The following NPR1 variants were observed in gnomAD, a reference collection of about 807,000 sequenced individuals.
NPR1 encodes atrial natriuretic peptide receptor 1.
In NPR1, 57 loss-of-function variants were observed where a neutral mutation model predicts 116.9. That is an observed-to-expected ratio of 0.49 (90% confidence interval 0.39 to 0.61). NPR1 has a LOEUF of 0.61. NPR1 is among the 20% of genes least tolerant of loss of function. The pLI is 0.00. For synonymous variants in NPR1, 555 were observed against 601.6 expected (o/e 0.92, Z 1.13); for missense variants, 1,096 against 1,409.8 (o/e 0.78, Z 3.56).
At chr1:153,684,310 G>A (rs537549105) in intron 7 of NPR1, among the ~76,000 whole-genome samples, 1 of 152,016 alleles carries the variant, frequency 6.6e-6, no homozygotes, top group Non-Finnish European at 1.5e-5. Context: ...AAAGCAAGGA[G>A]GGAGGGGAGA....
At position 153,687,768 on chromosome 1, in the gene NPR1, G is replaced by T. The variant is rs1468911234; in HGVS notation, c.2227G>T (p.Gly743Cys). Residue 743 changes from glycine to cysteine, a missense_variant, in exon 14 of 22, where the codon GGT becomes TGT. Transcript: ENST00000368680. ...GAGGAGTGGGGTCTTCCACGTGGAA[G>T]GTTTGGACCTGAGCCCCAAAGGTGA... ...ALRSGVFHVE[G>C]LDLSPKEIIE... 1 of 1,593,566 alleles carries T rather than the reference G, an allele frequency of 6.3e-7. No individual in the cohort carries two copies. The highest frequency in any genetic ancestry group is 1.1e-5 in the South Asian group (1 of 90,056).
rs752156295 is a variant in NPR1, at chr1:153,682,479, T to C, written c.1172-19T>C. The stretch of plus-strand genomic sequence containing the variant: ...ACTTCTATTCTCTCAAACATAGTCA[T>C]CTTCCCCCATGTCCTCAGGTGTGAC... On this transcript the variant is annotated intron_variant, in intron 4 of 21. Transcript: ENST00000368680. The C allele has an allele frequency of 1.3e-6, 2 of 1,591,192 alleles. No individual in the cohort carries two copies.
chr1:153,678,936 C>T lies in NPR1; in HGVS notation c.-173C>T, dbSNP rs1669675745. ...CCCTCGGTCGCGCCCCTTGCGCTCT[C>T]GGCCCAGACCGTCGCAGCTACAGGG... is the stretch of plus-strand genomic sequence containing the variant. On this transcript the variant is annotated 5_prime_UTR_variant, in exon 1 of 22. Transcript: ENST00000368680. This position sits in a 1 kb window ranked among gnomAD's most constrained non-coding sequence, Gnocchi z 5.8. 2.2e-6 allele frequency: 2 copies of T among 900,808 alleles called. No homozygotes were observed. The highest frequency in any genetic ancestry group is 3.1e-6 in the Non-Finnish European group (2 of 653,700). The allele number at this position is 900,808 out of a possible 1,614,324, so 55.8% of individuals were successfully genotyped here.
chr1:153,687,592 T>C (rs937851740), intron 13 of NPR1, 42 bp from the exon 14 acceptor site: 4 of 1,544,798 alleles, frequency 2.6e-6, no homozygotes, highest in East Asian at 2.3e-5. Context: ...CCCCTTAGCT[T>C]TGGGCTCCCT....
intron 9 of NPR1, 55 bp downstream of exon 9, chr1:153,685,935 A>T (rs1669915662): frequency 6.5e-7 from 1 of 1,535,622 alleles, no homozygotes; most frequent in Non-Finnish European, 9.0e-7. Context: ...GTGTACTCTG[A>T]TGGAGGACTG....
chr1:153,687,232 T>C lies in NPR1; in HGVS notation c.1968T>C (p.Cys656=), dbSNP rs1419441328. ...GMLFLHNGAI[C]SHGNLKSSNC... ...TGTTTCTACACAATGGGGCTATCTGTTCCCATGGGAACCTCAAGTCATCCA... is the reference window on the plus strand; with the variant it reads ...TGTTTCTACACAATGGGGCTATCTGCTCCCATGGGAACCTCAAGTCATCCA... Residue 656 remains cysteine, a synonymous_variant, in exon 13 of 22, where the codon TGT becomes TGC. Coordinates refer to ENST00000368680, the MANE Select transcript of NPR1 (RefSeq NM_000906.4). The C allele has an allele frequency of 1.2e-6, 2 of 1,614,166 alleles. No individual in the cohort carries two copies. The highest frequency in any genetic ancestry group is 2.2e-5 in the South Asian group (2 of 91,086).
In NPR1 at chr1:153,687,793, A is replaced by G; in HGVS notation, c.2248+4A>G. ...GGTTTGGACCTGAGCCCCAAAGGTG[A>G]GAGGAGCACACCTTCCTTAAACCCA... On this transcript the variant is annotated splice_donor_region_variant and intron_variant, in intron 14 of 21. Transcript: ENST00000368680. 1 of 1,576,214 alleles carries G rather than the reference A, an allele frequency of 6.3e-7. No individual in the cohort carries two copies. The highest frequency in any genetic ancestry group is 8.7e-7 in the Non-Finnish European group (1 of 1,155,328).
chr1:153,693,311 G>A lies in NPR1; in HGVS notation c.3124-41G>A, dbSNP rs370604486. ...AGGCTCTCATCTGACTGGGGAAAGG[G>A]CATGTGCCACTCCCCAGCCCATCCT... On this transcript the variant is annotated intron_variant, in intron 21 of 21. Transcript: ENST00000368680. 115 of 1,607,490 alleles carry A rather than the reference G, an allele frequency of 7.2e-5. 1 individual carries two copies. Among genetic ancestry groups the A allele is most frequent in the Non-Finnish European group, 9.1e-5 (107 of 1,174,912 alleles).
rs1251120873 is a variant in NPR1 at position 153,679,691 on chromosome 1, C to T, written c.583C>T (p.His195Tyr). Reference protein sequence around the residue: ...LYAYRPGDEEHCFFLVEGLFM... With the variant: ...LYAYRPGDEEYCFFLVEGLFM... The stretch of plus-strand genomic sequence containing the variant: ...CGCCTACCGGCCGGGTGACGAAGAG[C>T]ACTGCTTCTTCCTCGTGGAGGGGCT... The change falls in exon 1 of 22, where the codon CAC (histidine) becomes TAC (tyrosine). Residue 195 changes from histidine (H) to tyrosine (Y), a missense_variant. Transcript: ENST00000368680. The surrounding 1 kb of genome is among the most constrained non-coding windows in gnomAD (Gnocchi z 4.2). 1 of 1,609,546 alleles carries T rather than the reference C, an allele frequency of 6.2e-7. No homozygotes were observed. The highest frequency in any genetic ancestry group is 1.3e-5 in the African/African-American group (1 of 74,936).
intron 20 of NPR1, among the ~76,000 whole-genome samples, chr1:153,691,000 G>A (rs1222875287): frequency 2.3e-5 from 3 of 133,204 alleles, no homozygotes; most frequent in African/African-American, 8.2e-5. Flanking sequence ...ATGTGGTAAA[G>A]ATGGCTTCAG....
In NPR1 at chr1:153,691,945, G is replaced by A. The variant is rs559584553; in HGVS notation, c.3032-1161G>A. ...AGAAAGAAACTGTTAAACACAACAA[G>A]GCCACTGTGATTGATGCAAACCCCA... On this transcript the variant is annotated intron_variant, in intron 20 of 21. Transcript: ENST00000368680. 9.2e-5 allele frequency among the ~76,000 whole-genome samples: 14 copies of A among 152,008 alleles called. No homozygotes were observed. In the South Asian group the frequency reaches 2.9e-3, roughly 32 times the overall value.
At chr1:153,692,474 C>T (rs1375073100) in intron 20 of NPR1, among the ~76,000 whole-genome samples, 1 of 151,042 alleles carries the variant, frequency 6.6e-6, no homozygotes, top group East Asian at 1.9e-4. Flanking sequence ...GGCTACTTAT[C>T]ACTGGAAATG....
Position 153,678,935 on chromosome 1 carries a change from T to C in NPR1, c.-174T>C. 1 of 895,510 alleles carries C rather than the reference T, an allele frequency of 1.1e-6. No homozygotes were observed. Among genetic ancestry groups the C allele is most frequent in the South Asian group, 2.5e-5 (1 of 39,274 alleles). The allele number at this position is 895,510 out of a possible 1,614,324, so 55.5% of individuals were successfully genotyped here. ...CCCCTCGGTCGCGCCCCTTGCGCTC[T>C]CGGCCCAGACCGTCGCAGCTACAGG... On this transcript the variant is annotated 5_prime_UTR_variant, in exon 1 of 22. Coordinates refer to ENST00000368680, the MANE Select transcript of NPR1 (RefSeq NM_000906.4). The surrounding 1 kb of genome is among the most constrained non-coding windows in gnomAD (Gnocchi z 5.8).
At position 153,685,022 on chromosome 1, in the gene NPR1, G is replaced by A. The variant is rs754975622; in HGVS notation, c.1543G>A (p.Val515Ile). 23 of 1,613,918 alleles carry A rather than the reference G, an allele frequency of 1.4e-5. No homozygotes were observed. The East Asian group carries it at 1.8e-4, about 13-fold the overall frequency. ...SELWRVRWED[V>I]EPSSLERHLR... Reference sequence around the variant, plus strand: ...GCTGTGGCGGGTGCGCTGGGAGGACGTTGAGCCCAGTAGCCTTGAGAGGCA... The same window carrying A: ...GCTGTGGCGGGTGCGCTGGGAGGACATTGAGCCCAGTAGCCTTGAGAGGCA... The change falls in exon 8 of 22, where the codon GTT becomes ATT. Residue 515 changes from valine to isoleucine, a missense_variant. Physicochemically the swap from Val to Ile is conservative, Grantham distance 29 (BLOSUM62 3). Coordinates refer to ENST00000368680, the MANE Select transcript of NPR1 (RefSeq NM_000906.4).
Position 153,689,020 on chromosome 1 carries a change from G to A in NPR1, c.2485G>A (p.Glu829Lys). 5 of 1,614,232 alleles carry A rather than the reference G, an allele frequency of 3.1e-6. No individual in the cohort carries two copies. Among genetic ancestry groups the A allele is most frequent in the Non-Finnish European group, 3.4e-6 (4 of 1,180,052 alleles). ...GGAGCAGTACGCGAACAATCTGGAG[G>A]AACTGGTGGAGGAGCGGACCCAGGC... is the stretch of plus-strand genomic sequence containing the variant. Reference protein sequence around the residue: ...RMEQYANNLEELVEERTQAYL... With the variant: ...RMEQYANNLEKLVEERTQAYL... Residue 829 changes from glutamate (E) to lysine (K), a missense_variant, in exon 16 of 22, where the codon GAA becomes AAA. Glu to Lys is a moderately conservative substitution (Grantham distance 56, BLOSUM62 1). Transcript: ENST00000368680. This position sits in a 1 kb window ranked among gnomAD's most constrained non-coding sequence, Gnocchi z 5.1.
At position 153,679,653 on chromosome 1, in the gene NPR1, C is replaced by A. The variant is rs56019647; in HGVS notation, c.545C>A (p.Ala182Glu). Residue 182 changes from alanine to glutamate, a missense_variant, in exon 1 of 22, where the codon GCG becomes GAG. Coordinates refer to ENST00000368680, the MANE Select transcript of NPR1 (RefSeq NM_000906.4). The surrounding 1 kb of genome is among the most constrained non-coding windows in gnomAD (Gnocchi z 4.2). ...CGACGGCTGGGCTGGGAGCGCCAAGCGCTCATGCTCTACGCCTACCGGCCG... is the reference window on the plus strand; with the variant it reads ...CGACGGCTGGGCTGGGAGCGCCAAGAGCTCATGCTCTACGCCTACCGGCCG... ...LHRRLGWERQ[A>E]LMLYAYRPGD... 3.1e-6 allele frequency: 5 copies of A among 1,603,516 alleles called. No homozygotes were observed. Among genetic ancestry groups the A allele is most frequent in the Non-Finnish European group, 3.4e-6 (4 of 1,177,032 alleles).
chr1:153,688,870 G>A (rs948267346), intron 15 of NPR1, 83 bp from the exon 16 acceptor site: 1 of 1,560,484 alleles, frequency 6.4e-7, no homozygotes, highest in Non-Finnish European at 8.8e-7. Context: ...GCAGTCTGGA[G>A]GGGGAAGTGC....
rs745994938 is a variant in NPR1 at position 153,688,207 on chromosome 1, G to T, written c.2403G>T (p.Leu801Phe). The T allele has an allele frequency of 6.2e-7, 1 of 1,613,564 alleles. No homozygotes were observed. The highest frequency in any genetic ancestry group is 8.5e-7 in the Non-Finnish European group (1 of 1,179,680). ...CATTCCAGCAGATCCGCCTGACGTTGCGCAAATTTAACAGGTCCCTGGTGT... is the reference window on the plus strand; with the variant it reads ...CATTCCAGCAGATCCGCCTGACGTTTCGCAAATTTAACAGGTCCCTGGTGT... Reference protein sequence around the residue: ...RPPFQQIRLTLRKFNRENSSN... With the variant: ...RPPFQQIRLTFRKFNRENSSN... Residue 801 changes from leucine to phenylalanine, a missense_variant, in exon 15 of 22, where the codon TTG (leucine) becomes TTT (phenylalanine). By Grantham distance (22) the Leu-to-Phe change is conservative. Transcript: ENST00000368680.
In NPR1 at chr1:153,689,005, G is replaced by T. The variant is rs142618216; in HGVS notation, c.2470G>T (p.Ala824Ser). ...CCTGCTGTCCCGCATGGAGCAGTAC[G>T]CGAACAATCTGGAGGAACTGGTGGA... The part of the protein sequence containing the change: ...DNLLSRMEQY[A>S]NNLEELVEER... The change falls in exon 16 of 22, where the codon GCG (alanine) becomes TCG (serine). Residue 824 changes from alanine to serine, a missense_variant. By Grantham distance (99) the Ala-to-Ser change is moderately conservative (BLOSUM62 1). Transcript: ENST00000368680. The surrounding 1 kb of genome is among the most constrained non-coding windows in gnomAD (Gnocchi z 5.1). 1.2e-6 allele frequency: 2 copies of T among 1,614,184 alleles called. No homozygotes were observed. Among genetic ancestry groups the T allele is most frequent in the African/African-American group, 1.3e-5 (1 of 75,040 alleles).
Sources: allele counts gnomAD v4.1 joint callset (sites outside exome capture counted in the v4.1 genomes callset), GRCh38; gene constraint gnomAD v4.1.1; non-coding constraint Gnocchi (gnomAD v3.1); transcripts MANE v1.5; gene names NCBI Gene and HGNC (gene_info 2026-07-23, HGNC 2026-07-21).